The following TTN variants were observed in gnomAD, a reference collection of about 807,000 sequenced individuals.
The protein encoded by TTN is titin.
In TTN, 1,525 loss-of-function variants were observed where a neutral mutation model predicts 3,223.0. That is an observed-to-expected ratio of 0.47 (90% CI 0.45 to 0.49). TTN has a LOEUF of 0.49. Among genes scored for constraint, TTN ranks in the 20% least tolerant of loss-of-function variants. The pLI, the probability that TTN is intolerant of heterozygous loss-of-function variation, is 0.00. For synonymous variants in TTN, 14,094 were observed against 15,161.0 expected (o/e 0.93, Z 5.17); for missense variants, 40,786 against 43,424.0 (o/e 0.94, Z 5.40).
Position 178,646,557 on chromosome 2 carries a change from G to A in TTN, c.40225C>T (p.Arg13409Cys), listed in dbSNP as rs769146381. Residue 13409 changes from arginine (R) to cysteine (C), a missense_variant and splice_region_variant, in exon 216 of 363, where the codon CGT (arginine) becomes TGT (cysteine). Physicochemically the swap from Arg to Cys is radical, Grantham distance 180. Transcript: ENST00000589042. ...GGTTTAATATACTTTTCAATTTCAC[G>A]TTCTTTAAAGAATGTTGACAAAGGA... is the stretch of plus-strand genomic sequence containing the variant. ...GRKETPPVEE[R>C]EIEKYIKPEE... 16 of 1,539,120 alleles carry A rather than the reference G, an allele frequency of 1.0e-5. No individual in the cohort carries two copies. Among genetic ancestry groups the A allele is most frequent in the Non-Finnish European group, 1.4e-5 (16 of 1,138,236 alleles).
At position 178,734,820 on chromosome 2, in the gene TTN, G is replaced by A. The variant is rs2081161682; in HGVS notation, c.15104C>T (p.Ser5035Phe). Residue 5035 changes from serine (S) to phenylalanine (F), a missense_variant, in exon 51 of 363, where the codon TCT (serine) becomes TTT (phenylalanine). Ser to Phe is a radical substitution (Grantham distance 155). Transcript: ENST00000589042. ...SNTVRMYFVN[S>F]EAILDITDVK... is the part of the protein sequence containing the mutation. Reference sequence around the variant, plus strand: ...ATCCGTAATATCAAGTATAGCCTCAGAATTGACAAAATACATTCGGACTGT... The same window carrying A: ...ATCCGTAATATCAAGTATAGCCTCAAAATTGACAAAATACATTCGGACTGT... 6.2e-7 allele frequency: 1 copy of A among 1,613,676 alleles called. No individual in the cohort carries two copies. Among genetic ancestry groups the A allele is most frequent in the South Asian group, 1.1e-5 (1 of 91,078 alleles).
At position 178,724,421 on chromosome 2, in the gene TTN, C is replaced by T; in HGVS notation, c.20954G>A (p.Gly6985Glu). Residue 6985 changes from glycine to glutamate, a missense_variant, in exon 72 of 363, where the codon GGA becomes GAA. Transcript: ENST00000589042. ...TTTTTGGCTGCTGGTCAACAGCTTT[C>T]CATCCTTGTACCATTCAACAGAGAG... ...PELSVEWYKD[G>E]KLLTSSQKHK... 1 of 1,613,494 alleles carries T rather than the reference C, an allele frequency of 6.2e-7. No homozygotes were observed. The highest frequency in any genetic ancestry group is 8.5e-7 in the Non-Finnish European group (1 of 1,179,568).
chr2:178,599,474 A>T, intron 289 of TTN, 29 bp from the exon 290 acceptor site: 1 of 1,519,896 alleles, frequency 6.6e-7, no homozygotes, highest in Admixed American at 2.2e-5. Flanking sequence ...GGAACCCTTT[A>T]TCACTCAGAT....
At chr2:178,711,453 T>A (rs2076641818) in intron 96 of TTN, 104 bp from the exon 97 acceptor site, 3 of 1,223,394 alleles carry the variant, frequency 2.5e-6, no homozygotes, top group Non-Finnish European at 3.3e-6. Context: ...CTATTAAAAA[T>A]CAGGAATTAT....
Position 178,786,023 on chromosome 2 carries a change from G to T in TTN, c.2195C>A (p.Thr732Asn), listed in dbSNP as rs1431774448. ...GCGTTCCTTATATCCGTACTCCAAA[G>T]TGGTCTGCTGAGCATAGGATTCTTC... is the stretch of plus-strand genomic sequence containing the variant. ...HLEESYAQQT[T>N]LEYGYKERIS... The change falls in exon 14 of 363, where the codon ACT becomes AAT. Residue 732 changes from threonine to asparagine, a missense_variant. By Grantham distance (65) the Thr-to-Asn change is moderately conservative. Coordinates refer to ENST00000589042, the MANE Select transcript of TTN (RefSeq NM_001267550.2). 8 of 1,614,154 alleles carry T rather than the reference G, an allele frequency of 5.0e-6. No homozygotes were observed. Among genetic ancestry groups the T allele is most frequent in the Non-Finnish European group, 6.8e-6 (8 of 1,180,014 alleles).
Position 178,559,384 on chromosome 2 carries a change from G to A in TTN, c.86748C>T (p.Tyr28916=), listed in dbSNP as rs1702766568. 1 of 1,613,704 alleles carries A rather than the reference G, an allele frequency of 6.2e-7. No individual in the cohort carries two copies. The highest frequency in any genetic ancestry group is 8.5e-7 in the Non-Finnish European group (1 of 1,179,690). ...ACTCATTTTCTCCAGAGACTCTGAA[G>A]TAATAGATAGCTCCTTCTTGTAAAT... ...VTNLQEGAIY[Y]FRVSGENEFG... Residue 28916 remains tyrosine, a synonymous_variant, in exon 326 of 363, where the codon TAC becomes TAT. Transcript: ENST00000589042.
Position 178,636,853 on chromosome 2 carries a change from G to A in TTN, c.40928-54C>T, listed in dbSNP as rs190033770. 6.1e-5 allele frequency: 91 copies of A among 1,500,420 alleles called. No homozygotes were observed. The African/African-American group carries it at 1.2e-3, about 20-fold the overall frequency. 92.9% of individuals were successfully genotyped at this position (1,500,420 alleles called of 1,614,324 possible). On this transcript the variant is annotated intron_variant, in intron 224 of 362. Transcript: ENST00000589042. The surrounding 1 kb of genome is among the most constrained non-coding windows in gnomAD (Gnocchi z 4.3). ...TTGGCATCTCCTTAGGAGTCAGAAA[G>A]TTCATACTTGGCTGCCTGCTGGATA... is the stretch of plus-strand genomic sequence containing the variant.
Position 178,725,785 on chromosome 2 carries a change from C to T in TTN, c.20537G>A (p.Cys6846Tyr), listed in dbSNP as rs947572697. The change falls in exon 70 of 363, where the codon TGT becomes TAT. Residue 6846 changes from cysteine to tyrosine, a missense_variant. Transcript: ENST00000589042. ...QNEVGSDTCVCTVKLKEPPRF... is the reference protein window; with the variant it reads ...QNEVGSDTCVYTVKLKEPPRF... ...ATATTTACCTTTCAATTTTACAGTA[C>T]AAACACAAGTATCACTTCCCACTTC... 3 of 1,602,044 alleles carry T rather than the reference C, an allele frequency of 1.9e-6. No homozygotes were observed. Among genetic ancestry groups the T allele is most frequent in the Non-Finnish European group, 2.6e-6 (3 of 1,172,956 alleles).
chr2:178,714,004 G>A lies in TTN; in HGVS notation c.26654C>T (p.Ser8885Phe), dbSNP rs951646862. ...KYKISFFNKV[S>F]GLKIINVAPS... The stretch of plus-strand genomic sequence containing the variant: ...TGCTACATTGATGATCTTAAGGCCG[G>A]ATACTTTGTTGAAGAAGCTTATTTT... Residue 8885 changes from serine to phenylalanine, a missense_variant, in exon 92 of 363, where the codon TCC (serine) becomes TTC (phenylalanine). Transcript: ENST00000589042. 1 of 1,613,558 alleles carries A rather than the reference G, an allele frequency of 6.2e-7. No homozygotes were observed. The highest frequency in any genetic ancestry group is 1.3e-5 in the African/African-American group (1 of 75,004).
Position 178,714,996 on chromosome 2 carries a change from G to T in TTN, c.26190C>A (p.Ile8730=), listed in dbSNP as rs1419862291. Residue 8730 remains isoleucine (I), a synonymous_variant, in exon 90 of 363, where the codon ATC becomes ATA. Coordinates refer to ENST00000589042, the MANE Select transcript of TTN (RefSeq NM_001267550.2). ...TGCAGTCCATCTAACCTTTGAGAGC[G>T]ATGGAACCAACGCAAGTGTCGCTTC... ...DVGSDTCVGS[I]ALKAPPRFVK... The T allele has an allele frequency of 6.2e-7, 1 of 1,608,628 alleles. No homozygotes were observed. The highest frequency in any genetic ancestry group is 1.1e-5 in the South Asian group (1 of 89,966).
Position 178,561,220 on chromosome 2 carries a change from A to G in TTN, c.84912T>C (p.Tyr28304=). The change falls in exon 326 of 363, where the codon TAT becomes TAC. Residue 28304 remains tyrosine, a synonymous_variant. Coordinates refer to ENST00000589042, the MANE Select transcript of TTN (RefSeq NM_001267550.2). ...LPDGRWLKCN[Y]TNIQETYFEV... Reference sequence around the variant, plus strand: ...CAAAGTATGTTTCTTGTATATTAGTATAATTGCACTTCAGCCACCGGCCAT... The same window carrying G: ...CAAAGTATGTTTCTTGTATATTAGTGTAATTGCACTTCAGCCACCGGCCAT... 6.2e-7 allele frequency: 1 copy of G among 1,613,584 alleles called. No homozygotes were observed.
chr2:178,764,528 T>C lies in TTN; in HGVS notation c.9987A>G (p.Glu3329=), dbSNP rs1362085752. 1.2e-6 allele frequency: 2 copies of C among 1,613,938 alleles called. No individual in the cohort carries two copies. Among genetic ancestry groups the C allele is most frequent in the East Asian group, 4.5e-5 (2 of 44,894 alleles). The change falls in exon 42 of 363, where the codon GAA becomes GAG. Residue 3329 remains glutamate (E), a splice_region_variant and synonymous_variant. Transcript: ENST00000589042. The stretch of plus-strand genomic sequence containing the variant: ...CTGGAAGTAGCGAGGCATTCCTACC[T>C]TCCACTGAGAGTGAAGCTGATGTTG... ...VATTSASLSV[E]VPEVVSPDQE... is the part of the protein sequence containing the mutation.
At chr2:178,781,790 G>A (rs1190919742) in intron 20 of TTN, among the ~76,000 whole-genome samples, 1 of 152,066 alleles carries the variant, frequency 6.6e-6, no homozygotes, top group Non-Finnish European at 1.5e-5. Flanking sequence ...AAAATTACTA[G>A]CATAGATTTT....
At chr2:178,739,088 A>T in intron 48 of TTN, 53 bp downstream of exon 48, 2 of 1,472,090 alleles carry the variant, frequency 1.4e-6, no homozygotes, top group Non-Finnish European at 1.8e-6. Flanking sequence ...AAGCTAAATC[A>T]TTACAATCCA....
intron 129 of TTN, 132 bp from the exon 130 acceptor site, chr2:178,685,121 G>A (rs2070506814): frequency 7.1e-6 from 8 of 1,129,634 alleles, no homozygotes; most frequent in South Asian, 6.0e-5. Flanking sequence ...CAGTAAATAC[G>A]TTCATACATG....
Position 178,727,870 on chromosome 2 carries a change from A to G in TTN, c.19715-7T>C, listed in dbSNP as rs532527175. The G allele has an allele frequency of 4.5e-6, 7 of 1,549,236 alleles. No individual in the cohort carries two copies. In the East Asian group the frequency reaches 1.6e-4, roughly 35 times the overall value. On this transcript the variant is annotated splice_polypyrimidine_tract_variant and splice_region_variant and intron_variant, in intron 67 of 362. Transcript: ENST00000589042. ...ACTAGGAAGCTTGGTGGTTCTATAG[A>G]TTTTAAGAGAGATATATTTAATTAA...
chr2:178,577,196 C>A lies in TTN; in HGVS notation c.69139G>T (p.Val23047Phe). ...TCAGCAGAAACATTACTGATTTCAA[C>A]AGGACCTGGGGGACCAGGTACATCA... is the stretch of plus-strand genomic sequence containing the variant. ...VLDVPGPPGP[V>F]EISNVSAEKA... is the part of the protein sequence containing the mutation. The change falls in exon 324 of 363, where the codon GTT becomes TTT. Residue 23047 changes from valine (V) to phenylalanine (F), a missense_variant. By Grantham distance (50) the Val-to-Phe change is conservative. Transcript: ENST00000589042. The A allele has an allele frequency of 6.2e-7, 1 of 1,612,914 alleles. No individual in the cohort carries two copies. Among genetic ancestry groups the A allele is most frequent in the Non-Finnish European group, 8.5e-7 (1 of 1,179,438 alleles).
chr2:178,684,132 CA>C, intron 132 of TTN, 50 bp from the exon 133 acceptor site: 1 of 1,591,322 alleles, frequency 6.3e-7, no homozygotes, highest in Non-Finnish European at 8.6e-7. Context: ...TTTCAAACCA[CA>C]AAAAGGCAGC....
At position 178,597,823 on chromosome 2, in the gene TTN, G is replaced by A. The variant is rs373552048; in HGVS notation, c.57263-4C>T. The A allele has an allele frequency of 3.8e-5, 62 of 1,612,644 alleles. No homozygotes were observed. In the African/African-American group the frequency reaches 6.9e-4, roughly 18 times the overall value. ...TCTAGCTGAAGGTCAGGTGAAACTGGAAGCAATTGAAAATTACAAATGTGA... is the reference window on the plus strand; with the variant it reads ...TCTAGCTGAAGGTCAGGTGAAACTGAAAGCAATTGAAAATTACAAATGTGA... On this transcript the variant is annotated splice_polypyrimidine_tract_variant and splice_region_variant and intron_variant, in intron 293 of 362. Coordinates refer to ENST00000589042, the MANE Select transcript of TTN (RefSeq NM_001267550.2).
Sources: allele counts gnomAD v4.1 joint callset (sites outside exome capture counted in the v4.1 genomes callset), GRCh38; gene constraint gnomAD v4.1.1; non-coding constraint Gnocchi (gnomAD v3.1); transcripts MANE v1.5; gene names NCBI Gene and HGNC (gene_info 2026-07-23, HGNC 2026-07-21).